Variants in NIPAL2 observed in about 807,000 individuals in gnomAD.
The protein encoded by NIPAL2 is NIPA like domain containing 2, also known as NIPA-like protein 2.
Under a neutral mutation model 48.9 loss-of-function variants are expected in NIPAL2, and 43 were observed. The ratio of observed to expected loss-of-function variants is 0.88; its 90% CI spans 0.69 to 1.13. The LOEUF (loss-of-function observed/expected upper bound fraction) is 1.13. Ranked by LOEUF, NIPAL2 falls within the 50% of genes most tolerant of loss-of-function variation. The pLI, the probability that NIPAL2 is intolerant of heterozygous loss-of-function variation, is 0.00. For synonymous variants in NIPAL2, 167 were observed against 174.6 expected (o/e 0.96, Z 0.34); for missense variants, 446 against 461.4 (o/e 0.97, Z 0.31).
chr8:98,227,733 G>A (rs749999666), intron 4 of NIPAL2, among the ~76,000 whole-genome samples: 32 of 152,318 alleles, frequency 2.1e-4, no homozygotes, highest in Non-Finnish European at 3.2e-4. Context: ...GAGGAGTGGC[G>A]CCTGCACTCC....
chr8:98,194,241 G>C (rs1451083028), intron 10 of NIPAL2, among the ~76,000 whole-genome samples: 1 of 152,208 alleles, frequency 6.6e-6, no homozygotes, highest in Non-Finnish European at 1.5e-5. Context: ...ACGGGAAAGA[G>C]TGTTTGCTCT....
At chr8:98,278,446 A>G (rs1351511305) in intron 1 of NIPAL2, among the ~76,000 whole-genome samples, 1 of 152,058 alleles carries the variant, frequency 6.6e-6, no homozygotes, top group East Asian at 1.9e-4. Flanking sequence ...TTTTCATTCT[A>G]ACCCCTTGTT....
chr8:98,214,229 C>T (rs1325966620), intron 5 of NIPAL2, among the ~76,000 whole-genome samples: 1 of 151,102 alleles, frequency 6.6e-6, no homozygotes, highest in Non-Finnish European at 1.5e-5. Flanking sequence ...AATGGCACAA[C>T]CTCAGATCAC....
chr8:98,251,069 G>A (rs1216050525), intron 3 of NIPAL2, among the ~76,000 whole-genome samples: 2 of 151,698 alleles, frequency 1.3e-5, no homozygotes, highest in Admixed American at 1.3e-4. Context: ...AGGCTTCCCA[G>A]GACCAGGACA....
At chr8:98,222,433 C>A (rs1811939009) in intron 5 of NIPAL2, 46 bp downstream of exon 5, 1 of 1,589,546 alleles carries the variant, frequency 6.3e-7, no homozygotes, top group African/African-American at 1.4e-5. Context: ...GACCAGTGGT[C>A]TGGATAATAT....
At chr8:98,264,502 C>T (rs1019563859) in intron 1 of NIPAL2, among the ~76,000 whole-genome samples, 8 of 150,452 alleles carry the variant, frequency 5.3e-5, no homozygotes, top group Non-Finnish European at 7.4e-5. Context: ...AAACAGAGAG[C>T]CAAATCATGA....
chr8:98,256,379 T>C (rs1270279918), intron 1 of NIPAL2, among the ~76,000 whole-genome samples: 1 of 152,060 alleles, frequency 6.6e-6, no homozygotes, highest in Non-Finnish European at 1.5e-5. Flanking sequence ...AGGCAACCCA[T>C]GGAATGAGAG....
chr8:98,279,828 C>A lies in NIPAL2; in HGVS notation c.135+14175G>T, dbSNP rs932313746. ...GTAGTTATAAGTAGAGGCCAAAACA[C>A]AGGAAGATGTCTTTAATTAATGTCT... On this transcript the variant is annotated intron_variant, in intron 1 of 10. Transcript: ENST00000430223. 2.6e-5 allele frequency among the ~76,000 whole-genome samples: 4 copies of A among 152,202 alleles called. No homozygotes were observed. In the East Asian group the frequency reaches 7.7e-4, roughly 29 times the overall value.
chr8:98,282,346 A>AG (rs1815885103), intron 1 of NIPAL2, among the ~76,000 whole-genome samples: 1 of 152,190 alleles, frequency 6.6e-6, no homozygotes, highest in Admixed American at 6.5e-5. Flanking sequence ...GATACAAACT[A>AG]GAGAAGGATA....
intron 3 of NIPAL2, among the ~76,000 whole-genome samples, chr8:98,250,398 C>T (rs1214491899): frequency 6.6e-6 from 1 of 152,174 alleles, no homozygotes; most frequent in Non-Finnish European, 1.5e-5. Flanking sequence ...TAAAGAATCT[C>T]AGGGTAGCAG....
intron 4 of NIPAL2, 64 bp downstream of exon 4, chr8:98,236,091 G>A: frequency 8.7e-7 from 1 of 1,146,802 alleles, no homozygotes; most frequent in Non-Finnish European, 1.3e-6. Context: ...TATTTTTTAT[G>A]GATTGTATTA....
chr8:98,194,669 C>A, intron 10 of NIPAL2, 59 bp downstream of exon 10: 1 of 900,492 alleles, frequency 1.1e-6, no homozygotes, highest in Non-Finnish European at 1.7e-6. Context: ...CAAAATAATA[C>A]CAATAACTAT....
At chr8:98,216,189 G>A (rs1811564521) in intron 5 of NIPAL2, among the ~76,000 whole-genome samples, 1 of 152,210 alleles carries the variant, frequency 6.6e-6, no homozygotes, top group African/African-American at 2.4e-5. Flanking sequence ...CTGCAGAGAG[G>A]CATTGAGTGA....
chr8:98,213,493 A>ATCCAAACTCCCTCCTGGATCATAAAG (rs1811424117), intron 5 of NIPAL2, among the ~76,000 whole-genome samples: 1 of 152,182 alleles, frequency 6.6e-6, no homozygotes, highest in South Asian at 2.1e-4. Context: ...TTAGAATAAA[A>ATCCAAACTCCCTCCTGGATCATAAAG]TCCAAACTCC....
intron 4 of NIPAL2, among the ~76,000 whole-genome samples, chr8:98,226,534 T>C (rs1055949860): frequency 6.6e-6 from 1 of 152,186 alleles, no homozygotes; most frequent in African/African-American, 2.4e-5. Flanking sequence ...TTACCTGGAT[T>C]AACAGGCAGA....
intron 6 of NIPAL2, among the ~76,000 whole-genome samples, chr8:98,208,330 AT>A (rs1177112178): frequency 6.6e-6 from 1 of 152,106 alleles, no homozygotes; most frequent in Non-Finnish European, 1.5e-5. Context: ...TGCCATCAAC[AT>A]TTCCTTATGA....
At chr8:98,237,691 A>G (rs750433053) in intron 3 of NIPAL2, among the ~76,000 whole-genome samples, 4 of 152,160 alleles carry the variant, frequency 2.6e-5, no homozygotes, top group Non-Finnish European at 5.9e-5. Flanking sequence ...TGAAGTAATT[A>G]TAATTCCCAG....
chr8:98,260,817 C>G (rs4314623), intron 1 of NIPAL2, among the ~76,000 whole-genome samples: 1 of 151,706 alleles, frequency 6.6e-6, no homozygotes, highest in Non-Finnish European at 1.5e-5. Flanking sequence ...GGCTCCACCT[C>G]TGGGGGCAGG....
chr8:98,232,159 G>C (rs888074830), intron 4 of NIPAL2, among the ~76,000 whole-genome samples: 1 of 152,146 alleles, frequency 6.6e-6, no homozygotes, highest in African/African-American at 2.4e-5. Context: ...AGTGGGTTAC[G>C]ACATCTCAGA....
Sources: allele counts gnomAD v4.1 joint callset (sites outside exome capture counted in the v4.1 genomes callset), GRCh38; gene constraint gnomAD v4.1.1; transcripts MANE v1.5; gene names NCBI Gene and HGNC (gene_info 2026-07-23, HGNC 2026-07-21).